The following ZNF248 variants were observed in gnomAD, a reference collection of about 807,000 sequenced individuals.
The protein encoded by ZNF248 is zinc finger protein 248.
A neutral mutation model predicts 44.3 loss-of-function variants in ZNF248; 20 were observed. That is an observed-to-expected ratio of 0.45 (90% confidence interval 0.32 to 0.66). The LOEUF (loss-of-function observed/expected upper bound fraction) is 0.66, where lower values mean the gene tolerates loss of function less well. ZNF248 is among the 30% of genes least tolerant of loss of function. The pLI, the probability that ZNF248 is intolerant of heterozygous loss-of-function variation, is 0.04. For missense variants in ZNF248, 654 were observed against 677.0 expected, an observed-to-expected ratio of 0.97 and a Z score of 0.38; for synonymous variants, 224 against 229.0, an observed-to-expected ratio of 0.98 and a Z score of 0.20.
intron 6 of ZNF248, among the ~76,000 whole-genome samples, chr10:37,802,338 G>A (rs1564492049): frequency 6.6e-6 from 1 of 152,134 alleles, no homozygotes; most frequent in African/African-American, 2.4e-5. Flanking sequence ...CACCTGCCTA[G>A]AAAACTTGCA....
Position 37,837,636 on chromosome 10 carries a change from G to A in ZNF248, c.219C>T (p.Phe73=), listed in dbSNP as rs765383487. ...GEEPWILEKG[F]PSQCHPERKW... ...ACTCACCTGGGTGGCACTGGCTTGG[G>A]AATCCTTTTTCTAATATCCAGGGCT... The change falls in exon 5 of 6, where the codon TTC becomes TTT. Residue 73 remains phenylalanine, a synonymous_variant. Coordinates refer to ENST00000395867, the MANE Select transcript of ZNF248 (RefSeq NM_021045.3). The A allele has an allele frequency of 4.3e-6, 7 of 1,614,000 alleles. No homozygotes were observed. In the South Asian group the frequency reaches 5.5e-5, roughly 13 times the overall value.
At chr10:37,850,306 T>A (rs912656474) in intron 3 of ZNF248, among the ~76,000 whole-genome samples, 2 of 152,108 alleles carry the variant, frequency 1.3e-5, no homozygotes, top group African/African-American at 4.8e-5. Flanking sequence ...AGATAAAAAA[T>A]GCTAACTTCA....
intron 6 of ZNF248, among the ~76,000 whole-genome samples, chr10:37,782,308 T>C (rs2047407206): frequency 6.6e-6 from 1 of 152,216 alleles, no homozygotes; most frequent in African/African-American, 2.4e-5. Flanking sequence ...ATTAAGATGA[T>C]TTACAAGATT....
chr10:37,839,397 A>G (rs374758555), intron 3 of ZNF248, among the ~76,000 whole-genome samples: 52 of 152,134 alleles, frequency 3.4e-4, no homozygotes, highest in African/African-American at 9.6e-4. Context: ...CACACCTAGC[A>G]CCCTAATTTT....
chr10:37,773,240 G>A (rs934691240), downstream of ZNF248, among the ~76,000 whole-genome samples: 10 of 152,066 alleles, frequency 6.6e-5, no homozygotes, highest in African/African-American at 1.4e-4. Flanking sequence ...ACAAGACTCC[G>A]TCTAAAAAAT....
intron 6 of ZNF248, among the ~76,000 whole-genome samples, chr10:37,789,259 T>C (rs553268810): frequency 6.6e-6 from 1 of 151,560 alleles, no homozygotes; most frequent in African/African-American, 2.4e-5. Context: ...TTGTACACAG[T>C]GGATGAATGT....
downstream of ZNF248, among the ~76,000 whole-genome samples, chr10:37,827,325 TAAGGC>T (rs1371054336): frequency 2.0e-5 from 3 of 152,320 alleles, no homozygotes; most frequent in East Asian, 5.8e-4. Context: ...GGCTTACCGG[TAAGGC>T]CCACTTTTGT....
intron 6 of ZNF248, among the ~76,000 whole-genome samples, chr10:37,810,848 G>T (rs2051373970): frequency 6.6e-6 from 1 of 152,132 alleles, no homozygotes; most frequent in Admixed American, 6.6e-5. Context: ...ATTACCTGTA[G>T]TATATACTAT....
downstream of ZNF248, among the ~76,000 whole-genome samples, chr10:37,824,585 C>T (rs1284495402): frequency 6.7e-6 from 1 of 149,380 alleles, no homozygotes; most frequent in African/African-American, 2.5e-5. Context: ...AAAATTTAAA[C>T]TACCAAAGCA....
the ZNF248 span, among the ~76,000 whole-genome samples, chr10:37,769,637 C>T: frequency 2.6e-5 from 4 of 152,082 alleles, no homozygotes; most frequent in African/African-American, 4.8e-5. Context: ...ATAATAAGAG[C>T]TATCTATGAC....
chr10:37,790,708 C>CTAAA (rs149151524), intron 6 of ZNF248, among the ~76,000 whole-genome samples: 13,760 of 147,546 alleles, frequency 0.093, 844 homozygotes, highest in Non-Finnish European at 0.14. Flanking sequence ...GGCTCCGTCT[C>CTAAA]TAAATAAATA....
chr10:37,765,879 G>A, the ZNF248 span, among the ~76,000 whole-genome samples: 1 of 152,202 alleles, frequency 6.6e-6, no homozygotes, highest in Non-Finnish European at 1.5e-5. Context: ...GGTGACAGAT[G>A]GCACATGGAA....
At chr10:37,835,535 G>A (rs1300911903) in intron 5 of ZNF248, among the ~76,000 whole-genome samples, 2 of 152,288 alleles carry the variant, frequency 1.3e-5, no homozygotes, top group East Asian at 3.9e-4. Flanking sequence ...CTAGAAAAGG[G>A]GTTGGCATAT....
intron 6 of ZNF248, among the ~76,000 whole-genome samples, chr10:37,781,269 G>A (rs1253075208): frequency 6.6e-6 from 1 of 152,080 alleles, no homozygotes; most frequent in Non-Finnish European, 1.5e-5. Flanking sequence ...TTTTCCATGG[G>A]AGCCCACGTG....
intron 3 of ZNF248, among the ~76,000 whole-genome samples, chr10:37,841,221 G>T (rs2058284041): frequency 6.6e-6 from 1 of 152,112 alleles, no homozygotes. Flanking sequence ...CATTTCTAAA[G>T]ATGTGTATTT....
At chr10:37,828,200 C>CA (rs1170057993), downstream of ZNF248, among the ~76,000 whole-genome samples, 1 of 152,206 alleles carries the variant, frequency 6.6e-6, no homozygotes, top group Non-Finnish European at 1.5e-5. Context: ...GTGTTAGATA[C>CA]ACACATGTGA....
chr10:37,767,557 T>C, the ZNF248 span, among the ~76,000 whole-genome samples: 1,580 of 152,258 alleles, frequency 0.01, 24 homozygotes, highest in South Asian at 0.058. Context: ...TAAAATACTT[T>C]ACAGACAAGT....
At chr10:37,809,524 A>G (rs776709425) in intron 6 of ZNF248, among the ~76,000 whole-genome samples, 38 of 152,146 alleles carry the variant, frequency 2.5e-4, no homozygotes, top group Non-Finnish European at 4.0e-4. Context: ...GTGATTCACC[A>G]GTCTTGGCCT....
At chr10:37,837,362 C>A (rs1292470347) in intron 5 of ZNF248, among the ~76,000 whole-genome samples, 1 of 152,186 alleles carries the variant, frequency 6.6e-6, no homozygotes, top group Non-Finnish European at 1.5e-5. Context: ...ATCCGCCTGC[C>A]TCAGCCTCCC....
Sources: gnomAD v4.1 joint callset for allele counts (sites outside exome capture counted in the v4.1 genomes callset) on GRCh38, gnomAD v4.1.1 for gene constraint, MANE v1.5 for transcripts, NCBI Gene and HGNC (gene_info 2026-07-23, HGNC 2026-07-21) for gene names.